NRK: variants seen among roughly 807,000 people sequenced by gnomAD.
The protein encoded by NRK is Nik related kinase.
A neutral mutation model predicts 125.2 loss-of-function variants in NRK; 67 were observed. The ratio of observed to expected loss-of-function variants is 0.54; its 90% confidence interval spans 0.44 to 0.66. The LOEUF (loss-of-function observed/expected upper bound fraction) is 0.66, where lower values mean the gene tolerates loss of function less well. Among genes scored for constraint, NRK ranks in the 30% least tolerant of loss-of-function variants. NRK has a pLI of 0.00. For synonymous variants in NRK, 458 were observed against 429.0 expected (o/e 1.07, Z -0.84); for missense variants, 1,224 against 1,192.9 (o/e 1.03, Z -0.38).
chrX:105,920,515 C>G (rs2040427567), intron 16 of NRK, among the ~76,000 whole-genome samples: 1 of 108,223 alleles, frequency 9.2e-6, no homozygotes, highest in Non-Finnish European at 1.9e-5. Context: ...ATTGATTCTT[C>G]CTAGCCATGA....
chrX:105,853,156 CA>C (rs759979255), intron 2 of NRK, among the ~76,000 whole-genome samples: 1 of 111,761 alleles, frequency 8.9e-6, no homozygotes, highest in Admixed American at 9.5e-5. Context: ...TAGTGGTTCT[CA>C]AAGTTTGGCC....
At chrX:105,838,074 C>A (rs1356846560) in intron 2 of NRK, among the ~76,000 whole-genome samples, 2 of 111,188 alleles carry the variant, frequency 1.8e-5, no homozygotes, top group Admixed American at 1.9e-4. Flanking sequence ...TGAGATATTG[C>A]ACCTAGCACA....
chrX:105,944,910 A>T (rs1472319599), intron 24 of NRK, among the ~76,000 whole-genome samples: 1 of 112,081 alleles, frequency 8.9e-6, no homozygotes, highest in African/African-American at 3.2e-5. Flanking sequence ...TTCTATGGAT[A>T]GGCCACATAA....
In NRK at chrX:105,953,155, G is replaced by GT; in HGVS notation, c.4636dup (p.Cys1546LeufsTer5). ...GGTCAATTAAGAAGCTGAGATTCCT[G>GT]TGCACCCGGGGTGACAAGGTATAGC... On this transcript the variant is annotated frameshift_variant, in exon 28 of 29. Transcript: ENST00000243300. LOFTEE classifies it high-confidence loss of function. The GT allele has an allele frequency of 3.4e-6, 4 of 1,190,852 alleles. No homozygotes were observed. Among genetic ancestry groups the GT allele is most frequent in the Non-Finnish European group, 3.4e-6 (3 of 882,331 alleles).
intron 6 of NRK, among the ~76,000 whole-genome samples, chrX:105,894,771 G>T (rs2040059695): frequency 8.9e-6 from 1 of 112,084 alleles, no homozygotes; most frequent in South Asian, 3.7e-4. Context: ...AAAGCACTTA[G>T]TACAATCCTT....
In NRK at chrX:105,953,126, C is replaced by G; in HGVS notation, c.4606C>G (p.Arg1536Gly). 1 of 1,195,149 alleles carries G rather than the reference C, an allele frequency of 8.4e-7. No homozygotes were observed. The highest frequency in any genetic ancestry group is 1.1e-6 in the Non-Finnish European group (1 of 885,172). The change falls in exon 28 of 29, where the codon CGC becomes GGC. Residue 1536 changes from arginine to glycine, a missense_variant. Coordinates refer to ENST00000243300, the MANE Select transcript of NRK (RefSeq NM_198465.4). ...QSRVLESELK[R>G]RSIKKLRFLC... The stretch of plus-strand genomic sequence containing the variant: ...CAGGGTTCTGGAAAGTGAGCTGAAG[C>G]GCAGGTCAATTAAGAAGCTGAGATT...
At chrX:105,906,306 GGCAAC>G (rs2040217555) in intron 10 of NRK, 103 bp from the exon 11 acceptor site, 2 of 385,340 alleles carry the variant, frequency 5.2e-6, no homozygotes, top group East Asian at 8.3e-5. Flanking sequence ...AATACCTAAA[GGCAAC>G]TCTCTCCAAA....
chrX:105,933,032 A>G, intron 19 of NRK, among the ~76,000 whole-genome samples: 1 of 111,422 alleles, frequency 9.0e-6, no homozygotes. Context: ...AACCAAGGAC[A>G]TGGCATATGA....
intron 1 of NRK, among the ~76,000 whole-genome samples, chrX:105,823,143 A>G (rs549725910): frequency 2.7e-5 from 3 of 112,805 alleles, no homozygotes; most frequent in African/African-American, 9.6e-5. Flanking sequence ...AGAGAAAGAG[A>G]TGGCAGTGGG....
chrX:105,883,725 C>G (rs1291856263), intron 4 of NRK, among the ~76,000 whole-genome samples: 1 of 112,749 alleles, frequency 8.9e-6, no homozygotes, highest in Non-Finnish European at 1.9e-5. Flanking sequence ...CTTGCCCCTG[C>G]TTCTCTTTCA....
Position 105,953,184 on chromosome X carries a change from C to T in NRK, c.4653+11C>T. 3 of 1,103,375 alleles carry T rather than the reference C, an allele frequency of 2.7e-6. No individual in the cohort carries two copies. Among genetic ancestry groups the T allele is most frequent in the East Asian group, 3.1e-5 (1 of 32,005 alleles). 90.9% of individuals were successfully genotyped at this position (1,103,375 alleles called of 1,213,427 possible). A position where few individuals can be genotyped will look rare whatever the true frequency, so the allele number is the denominator to read the frequency against. On this transcript the variant is annotated intron_variant, in intron 28 of 28. Coordinates refer to ENST00000243300, the MANE Select transcript of NRK (RefSeq NM_198465.4). ...ACCCGGGGTGACAAGGTATAGCTTA[C>T]ACCCTCCAGTTACAGCAAAAATAAC... is the stretch of plus-strand genomic sequence containing the variant.
chrX:105,879,773 A>G (rs1355740156), intron 2 of NRK, among the ~76,000 whole-genome samples: 6 of 111,161 alleles, frequency 5.4e-5, no homozygotes. Context: ...TCACATAATC[A>G]ATTGAAAAAA....
intron 2 of NRK, among the ~76,000 whole-genome samples, chrX:105,854,137 G>C (rs1278525963): frequency 1.8e-5 from 2 of 111,821 alleles, no homozygotes; most frequent in East Asian, 5.6e-4. Flanking sequence ...GGAAACCTGG[G>C]CAAGATTTCT....
intron 2 of NRK, among the ~76,000 whole-genome samples, chrX:105,841,636 TAACTCTG>T (rs748222486): frequency 1.8e-5 from 2 of 111,277 alleles, no homozygotes; most frequent in Admixed American, 1.9e-4. Context: ...TATAAATCAT[TAACTCTG>T]AAGAGAAAAC....
intron 8 of NRK, among the ~76,000 whole-genome samples, chrX:105,900,358 A>T (rs1320803252): frequency 3.6e-5 from 4 of 111,720 alleles, no homozygotes; most frequent in African/African-American, 9.8e-5. Context: ...TAAAACGATA[A>T]TATCAATGCA....
chrX:105,849,095 T>C (rs770548213), intron 2 of NRK, among the ~76,000 whole-genome samples: 8 of 111,235 alleles, frequency 7.2e-5, no homozygotes, highest in East Asian at 2.8e-4. Context: ...ACACCCAAGA[T>C]TGGGAAGAAA....
chrX:105,905,534 G>A (rs1017824204), intron 10 of NRK, among the ~76,000 whole-genome samples, 191 bp downstream of exon 10: 1 of 112,655 alleles, frequency 8.9e-6, no homozygotes, highest in African/African-American at 3.2e-5. Context: ...CTATAAATAA[G>A]TAATATCCTC....
At chrX:105,823,623 G>A (rs2039054107) in intron 1 of NRK, among the ~76,000 whole-genome samples, 1 of 109,668 alleles carries the variant, frequency 9.1e-6, no homozygotes, top group South Asian at 3.9e-4. Context: ...ATCTTTTCCC[G>A]AATGCCCAGC....
At chrX:105,844,202 C>T (rs2039372479) in intron 2 of NRK, among the ~76,000 whole-genome samples, 1 of 110,545 alleles carries the variant, frequency 9.0e-6, no homozygotes, top group Non-Finnish European at 1.9e-5. Flanking sequence ...TGGTATATTC[C>T]CCTCTGCTGC....
Sources: gnomAD v4.1 joint callset for allele counts (sites outside exome capture counted in the v4.1 genomes callset) on GRCh38, gnomAD v4.1.1 for gene constraint, MANE v1.5 for transcripts, NCBI Gene and HGNC (gene_info 2026-07-23, HGNC 2026-07-21) for gene names.